The following EPAS1 variants were observed in gnomAD, a reference collection of about 807,000 sequenced individuals.
EPAS1 encodes the protein endothelial PAS domain-containing protein 1.
EPAS1 carries 23 observed loss-of-function variants against 87.9 expected under a neutral mutation model. That is an observed-to-expected ratio of 0.26 (90% CI 0.19 to 0.37). EPAS1 has a LOEUF of 0.37. Ranked by LOEUF, EPAS1 falls within the 10% of genes least tolerant of loss-of-function variation. The pLI is 1.00. For synonymous variants in EPAS1, 508 were observed against 444.3 expected, an observed-to-expected ratio of 1.14 and a Z score of -1.80; for missense variants, 1,138 against 1,120.7, an observed-to-expected ratio of 1.02 and a Z score of -0.22.
chr2:46,377,828 C>T, intron 9 of EPAS1, 66 bp from the exon 10 acceptor site: 1 of 1,551,320 alleles, frequency 6.4e-7, no homozygotes, highest in East Asian at 2.4e-5. Flanking sequence ...GGTTTTTGGG[C>T]CTCCTCTGCC....
intron 1 of EPAS1, among the ~76,000 whole-genome samples, chr2:46,343,325 A>G (rs1683948584): frequency 6.6e-6 from 1 of 152,190 alleles, no homozygotes; most frequent in Non-Finnish European, 1.5e-5. Context: ...TTGTCACTGT[A>G]TTTAAAAAAG....
At chr2:46,336,457 G>A (rs1197803851) in intron 1 of EPAS1, among the ~76,000 whole-genome samples, 1 of 152,128 alleles carries the variant, frequency 6.6e-6, no homozygotes, top group Non-Finnish European at 1.5e-5. Flanking sequence ...GTAGGGCTTG[G>A]GCTGGTCCTA....
intron 1 of EPAS1, among the ~76,000 whole-genome samples, chr2:46,335,438 T>C (rs1461910330): frequency 8.2e-6 from 1 of 121,310 alleles, no homozygotes; most frequent in Non-Finnish European, 1.6e-5. Context: ...TTGACGACAC[T>C]GCCAGGGGAA....
At chr2:46,381,442 G>C in intron 12 of EPAS1, 154 bp from the exon 13 acceptor site, 4 of 1,206,812 alleles carry the variant, frequency 3.3e-6, no homozygotes, top group Non-Finnish European at 4.9e-6. Context: ...AGCTCGGCCT[G>C]CAGGTGCACA....
In EPAS1 at chr2:46,381,726, A is replaced by G. The variant is rs1366623880; in HGVS notation, c.2172+4A>G. 1.9e-6 allele frequency: 3 copies of G among 1,613,674 alleles called. No homozygotes were observed. Among genetic ancestry groups the G allele is most frequent in the Non-Finnish European group, 2.5e-6 (3 of 1,179,998 alleles). On this transcript the variant is annotated splice_donor_region_variant and intron_variant, in intron 13 of 15. Coordinates refer to ENST00000263734, the MANE Select transcript of EPAS1 (RefSeq NM_001430.5). Reference sequence around the variant, plus strand: ...AGCCTTCCAGGACCTGAGCGGGGTGAGTCATCCCCACTGGCCACAGGGGCC... The same window carrying G: ...AGCCTTCCAGGACCTGAGCGGGGTGGGTCATCCCCACTGGCCACAGGGGCC...
At chr2:46,353,349 A>T (rs865850821) in intron 2 of EPAS1, among the ~76,000 whole-genome samples, 1 of 152,238 alleles carries the variant, frequency 6.6e-6, no homozygotes, top group Non-Finnish European at 1.5e-5. Flanking sequence ...AGTTCTACTG[A>T]ACCAGGAACC....
rs1439505314 is a variant in EPAS1 at position 46,360,613 on chromosome 2, G to A, written c.455-25G>A. 1.1e-5 allele frequency: 17 copies of A among 1,603,416 alleles called. No individual in the cohort carries two copies. The East Asian group carries it at 2.9e-4, about 27-fold the overall frequency. ...ATCCATATAAAACTGACTTCAGCTG[G>A]TTCTTCCCATCCTTCCACATCCAGG... On this transcript the variant is annotated intron_variant, in intron 4 of 15. Coordinates refer to ENST00000263734, the MANE Select transcript of EPAS1 (RefSeq NM_001430.5). The surrounding 1 kb of genome is among the most constrained non-coding windows in gnomAD (Gnocchi z 4.5).
rs371669179 is a variant in EPAS1, at chr2:46,382,676, G to A, written c.2461+78G>A. 8.2e-5 allele frequency: 128 copies of A among 1,564,732 alleles called. No individual in the cohort carries two copies. The Middle Eastern group carries it at 1.0e-3, about 12-fold the overall frequency. On this transcript the variant is annotated intron_variant, in intron 15 of 15. Transcript: ENST00000263734. ...AGCCCACGTCTACTTTTTTTCCAGC[G>A]TCTGCACAGTGCCAGGCACAGGGAG...
Position 46,300,278 on chromosome 2 carries a change from T to C in EPAS1, c.26+2341T>C, listed in dbSNP as rs1558579353. 6.6e-6 allele frequency among the ~76,000 whole-genome samples: 1 copy of C among 152,220 alleles called. No individual in the cohort carries two copies. The highest frequency in any genetic ancestry group is 2.4e-5 in the African/African-American group (1 of 41,458). The stretch of plus-strand genomic sequence containing the variant: ...AAGGGCGATGTGACAGTGAGGGGGC[T>C]CTCTGCTGATGATTCTGCCCACTAG... On this transcript the variant is annotated intron_variant, in intron 1 of 15. Transcript: ENST00000263734. The surrounding 1 kb of genome is among the most constrained non-coding windows in gnomAD (Gnocchi z 4.1).
Position 46,302,309 on chromosome 2 carries a change from G to C in EPAS1, c.26+4372G>C, listed in dbSNP as rs192937918. ...TACTTGCTGTCATTAATTGTCTTGA[G>C]ATTTAGGCTTTTCCACTTTTCAGGA... On this transcript the variant is annotated intron_variant, in intron 1 of 15. Coordinates refer to ENST00000263734, the MANE Select transcript of EPAS1 (RefSeq NM_001430.5). Among the ~76,000 whole-genome samples, 198 of 152,204 alleles carry C rather than the reference G, an allele frequency of 1.3e-3. 1 individual carries two copies. The highest frequency in any genetic ancestry group is 9.4e-3 in the Admixed American group (144 of 15,290).
intron 6 of EPAS1, among the ~76,000 whole-genome samples, chr2:46,369,136 A>G (rs753633292): frequency 1.3e-5 from 2 of 152,148 alleles, no homozygotes; most frequent in South Asian, 4.1e-4. Flanking sequence ...CTATGATTTA[A>G]TATTTCTTCC....
At chr2:46,357,138 G>A (rs1430137116) in intron 4 of EPAS1, among the ~76,000 whole-genome samples, 1 of 152,192 alleles carries the variant, frequency 6.6e-6, no homozygotes, top group Non-Finnish European at 1.5e-5. Context: ...TGAGGAACTA[G>A]TCTGTGCCAA....
At chr2:46,357,688 C>G (rs573341312) in intron 4 of EPAS1, among the ~76,000 whole-genome samples, 1 of 152,274 alleles carries the variant, frequency 6.6e-6, no homozygotes, top group South Asian at 2.1e-4. Context: ...AGAGCTACCA[C>G]AGGAAATGGT....
At chr2:46,315,377 C>T (rs1683294142) in intron 1 of EPAS1, among the ~76,000 whole-genome samples, 1 of 152,120 alleles carries the variant, frequency 6.6e-6, no homozygotes, top group African/African-American at 2.4e-5. Context: ...AGTCACAGTG[C>T]ATAAGTGTTG....
chr2:46,358,716 A>G (rs530034401), intron 4 of EPAS1, among the ~76,000 whole-genome samples: 1 of 152,206 alleles, frequency 6.6e-6, no homozygotes, highest in Non-Finnish European at 1.5e-5. Flanking sequence ...TGATCTGCAT[A>G]TTGAGGACTT....
intron 1 of EPAS1, among the ~76,000 whole-genome samples, chr2:46,313,931 C>G (rs1683262412): frequency 6.6e-6 from 1 of 152,188 alleles, no homozygotes; most frequent in South Asian, 2.1e-4. Flanking sequence ...CTGAGGTTGT[C>G]AGGTCTTTGT....
rs551996113 is a variant in EPAS1, at chr2:46,298,348, T to C, written c.26+411T>C. Reference sequence around the variant, plus strand: ...TTTTGGGGCAGCATCCACGTCTCTATTTTTCTCTGGATTCGCGGAGTCCTT... The same window carrying C: ...TTTTGGGGCAGCATCCACGTCTCTACTTTTCTCTGGATTCGCGGAGTCCTT... On this transcript the variant is annotated intron_variant, in intron 1 of 15. Coordinates refer to ENST00000263734, the MANE Select transcript of EPAS1 (RefSeq NM_001430.5). Among the ~76,000 whole-genome samples the C allele has an allele frequency of 1.6e-3, 238 of 152,298 alleles. 1 individual carries two copies. Among genetic ancestry groups the C allele is most frequent in the Non-Finnish European group, 1.8e-3 (125 of 68,024 alleles).
intron 15 of EPAS1, among the ~76,000 whole-genome samples, chr2:46,383,577 G>C (rs770465462): frequency 6.6e-6 from 1 of 152,204 alleles, no homozygotes; most frequent in Non-Finnish European, 1.5e-5. Flanking sequence ...TGGCTCTGCT[G>C]TTGAGTTCAG....
At chr2:46,317,439 A>G (rs1261191090) in intron 1 of EPAS1, among the ~76,000 whole-genome samples, 2 of 152,344 alleles carry the variant, frequency 1.3e-5, no homozygotes, top group East Asian at 3.9e-4. Flanking sequence ...GTGCGTCTCC[A>G]TCAGGGCTCT....
Sources: gnomAD v4.1 joint callset for allele counts (sites outside exome capture counted in the v4.1 genomes callset) on GRCh38, gnomAD v4.1.1 for gene constraint, Gnocchi (gnomAD v3.1) non-coding constraint, MANE v1.5 for transcripts, NCBI Gene and HGNC (gene_info 2026-07-23, HGNC 2026-07-21) for gene names.